Variants in C1QTNF2 observed in about 807,000 individuals in gnomAD.
C1QTNF2 encodes the protein C1q and TNF related 2.
In C1QTNF2, 15 loss-of-function variants were observed where a neutral mutation model predicts 17.4. The observed-to-expected ratio is 0.86, with a 90% CI of 0.58 to 1.33. The LOEUF (loss-of-function observed/expected upper bound fraction) is 1.33, where lower values mean the gene tolerates loss of function less well. Among genes scored for constraint, C1QTNF2 ranks in the 40% most tolerant of loss-of-function variants. The probability of loss-of-function intolerance (pLI) is 0.00; values close to 1 mark genes in which losing one functional copy is unlikely to be tolerated. For synonymous variants in C1QTNF2, 154 were observed against 163.3 expected (o/e 0.94, Z 0.44); for missense variants, 381 against 392.3 (o/e 0.97, Z 0.24).
At chr5:160,354,627 T>TAGATAGATAGATAG (rs1404261090) in intron 2 of C1QTNF2, 141 bp downstream of exon 2, 30 of 208,800 alleles carry the variant, frequency 1.4e-4, no homozygotes, top group African/African-American at 8.5e-4. Flanking sequence ...TATATATATA[T>TAGATAGATAGATAG]ATATATAGAT....
chr5:160,355,184 T>G (rs1764025545), intron 1 of C1QTNF2, 164 bp from the exon 2 acceptor site: 16 of 980,502 alleles, frequency 1.6e-5, no homozygotes, highest in Non-Finnish European at 1.8e-5. Flanking sequence ...GTGGACAGAG[T>G]CGTCATATCT....
chr5:160,350,015 G>T (rs916432860), intron 2 of C1QTNF2, among the ~76,000 whole-genome samples: 1 of 152,202 alleles, frequency 6.6e-6, no homozygotes, highest in Non-Finnish European at 1.5e-5. Context: ...AGAATAACTT[G>T]TAACAGTTCA....
In C1QTNF2 at chr5:160,354,876, C is replaced by T. The variant is rs756818049; in HGVS notation, c.136G>A (p.Gly46Ser). 1.2e-5 allele frequency: 19 copies of T among 1,607,158 alleles called. No individual in the cohort carries two copies. The highest frequency in any genetic ancestry group is 4.0e-5 in the African/African-American group (3 of 74,818). ...CSLPGPQGPPGPPGAPGPSGM... is the reference protein window; with the variant it reads ...CSLPGPQGPPSPPGAPGPSGM... ...GAGGGCCCTGGGGCTCCTGGGGGGC[C>T]GGGTGGGCCCTGGGGGCCAGGCAGG... Residue 46 changes from glycine (G) to serine (S), a missense_variant, in exon 2 of 3, where the codon GGC (glycine) becomes AGC (serine). Gly to Ser is a moderately conservative substitution (Grantham distance 56). Coordinates refer to ENST00000652664, the MANE Select transcript of C1QTNF2 (RefSeq NM_031908.6).
chr5:160,369,983 T>G (rs1332645177), intron 1 of C1QTNF2, among the ~76,000 whole-genome samples: 1 of 152,228 alleles, frequency 6.6e-6, no homozygotes, highest in Admixed American at 6.5e-5. Context: ...ATCATATATT[T>G]AAATAAATGT....
intron 1 of C1QTNF2, among the ~76,000 whole-genome samples, chr5:160,360,754 A>G (rs934144727): frequency 6.6e-6 from 1 of 151,640 alleles, no homozygotes; most frequent in African/African-American, 2.4e-5. Context: ...AGTTGGTTAA[A>G]CCCCAGAAAT....
chr5:160,354,593 A>ATATATATAT (rs1763992409), intron 2 of C1QTNF2, among the ~76,000 whole-genome samples, 175 bp downstream of exon 2: 3 of 30,558 alleles, frequency 9.8e-5, no homozygotes, highest in East Asian at 5.2e-4. Context: ...GGAAAAAAAA[A>ATATATATAT]AAAAGTATAT....
chr5:160,357,207 C>T (rs1328636014), intron 1 of C1QTNF2, among the ~76,000 whole-genome samples: 4 of 152,196 alleles, frequency 2.6e-5, no homozygotes, highest in African/African-American at 9.7e-5. Context: ...CGTTTCACAC[C>T]TTCACTGGGG....
chr5:160,360,790 T>A (rs866859671), intron 1 of C1QTNF2, among the ~76,000 whole-genome samples: 1 of 150,974 alleles, frequency 6.6e-6, no homozygotes, highest in Middle Eastern at 3.4e-3. Context: ...TAAACTTGGA[T>A]GAGTTCTTTT....
chr5:160,355,257 T>C, intron 1 of C1QTNF2: 1 of 984,964 alleles, frequency 1.0e-6, no homozygotes. Flanking sequence ...GTCTCGGGGG[T>C]GAGGCATTCA....
chr5:160,349,580 T>G lies in C1QTNF2; in HGVS notation c.446A>C (p.Lys149Thr), dbSNP rs1321657556. Reference sequence around the variant, plus strand: ...GGTCACTGCCACCGAGAAAGCTGACTTGGTATGGCCACTGCCACAGCTGCA... The same window carrying G: ...GGTCACTGCCACCGAGAAAGCTGACGTGGTATGGCCACTGCCACAGCTGCA... Reference protein sequence around the residue: ...GPCSCGSGHTKSAFSVAVTKS... With the variant: ...GPCSCGSGHTTSAFSVAVTKS... Residue 149 changes from lysine (K) to threonine (T), a missense_variant, in exon 3 of 3, where the codon AAG becomes ACG. Coordinates refer to ENST00000652664, the MANE Select transcript of C1QTNF2 (RefSeq NM_031908.6). The surrounding 1 kb of genome is among the most constrained non-coding windows in gnomAD (Gnocchi z 4.3). 6 of 1,613,504 alleles carry G rather than the reference T, an allele frequency of 3.7e-6. No individual in the cohort carries two copies. The East Asian group carries it at 1.1e-4, about 30-fold the overall frequency.
Position 160,364,116 on chromosome 5 carries a change from A to G in C1QTNF2, c.-10+6396T>C, listed in dbSNP as rs1325774418. 2.0e-5 allele frequency among the ~76,000 whole-genome samples: 3 copies of G among 152,240 alleles called. No homozygotes were observed. In the East Asian group the frequency reaches 5.8e-4, roughly 29 times the overall value. On this transcript the variant is annotated intron_variant, in intron 1 of 2. Transcript: ENST00000652664. ...AATATCATCATTTCAACATGTAATCACCATAAAAATTATTAATGAGACATT... is the reference window on the plus strand; with the variant it reads ...AATATCATCATTTCAACATGTAATCGCCATAAAAATTATTAATGAGACATT...
At chr5:160,369,023 T>G (rs546396050) in intron 1 of C1QTNF2, among the ~76,000 whole-genome samples, 92 of 151,080 alleles carry the variant, frequency 6.1e-4, no homozygotes, top group African/African-American at 2.1e-3. Flanking sequence ...AAAAGCAAGT[T>G]GTACCATGGA....
chr5:160,367,795 T>C (rs1172481412), intron 1 of C1QTNF2, among the ~76,000 whole-genome samples: 2 of 152,184 alleles, frequency 1.3e-5, no homozygotes, highest in African/African-American at 4.8e-5. Flanking sequence ...ATGCATCCCA[T>C]TCCTATATAC....
At chr5:160,351,549 T>G (rs1581032184) in intron 2 of C1QTNF2, among the ~76,000 whole-genome samples, 1 of 152,224 alleles carries the variant, frequency 6.6e-6, no homozygotes, top group South Asian at 2.1e-4. Context: ...ACTGAACACT[T>G]GATTTTCAGG....
At chr5:160,368,262 G>A (rs985061960) in intron 1 of C1QTNF2, among the ~76,000 whole-genome samples, 1 of 152,148 alleles carries the variant, frequency 6.6e-6, no homozygotes, top group African/African-American at 2.4e-5. Context: ...GGCTGGGCGC[G>A]GTGGCTCATG....
chr5:160,367,205 T>C (rs545499910), intron 1 of C1QTNF2, among the ~76,000 whole-genome samples: 44 of 152,308 alleles, frequency 2.9e-4, no homozygotes, highest in African/African-American at 1.0e-3. Flanking sequence ...TTTGGGTTTT[T>C]AATTTGAAAT....
At chr5:160,368,566 A>C (rs1403652955) in intron 1 of C1QTNF2, among the ~76,000 whole-genome samples, 1 of 152,138 alleles carries the variant, frequency 6.6e-6, no homozygotes, top group African/African-American at 2.4e-5. Flanking sequence ...AGAGAAGCTA[A>C]AATGGAATAT....
intron 1 of C1QTNF2, among the ~76,000 whole-genome samples, chr5:160,368,898 T>A (rs1581042910): frequency 6.6e-6 from 1 of 152,160 alleles, no homozygotes; most frequent in Non-Finnish European, 1.5e-5. Flanking sequence ...GACTCCAGCC[T>A]TGTGAAAAAT....
Position 160,348,184 on chromosome 5 carries a change from T to A in C1QTNF2, c.*984A>T, listed in dbSNP as rs1763837923. ...CCATCTCAGAGCAGCGGTTCTCAGA[T>A]GCACGTGCATATCCTGGTGTATCTC... On this transcript the variant is annotated 3_prime_UTR_variant, in exon 3 of 3. Transcript: ENST00000652664. 1 of 152,204 alleles carries A rather than the reference T, an allele frequency of 6.6e-6. No individual in the cohort carries two copies. The highest frequency in any genetic ancestry group is 1.5e-5 in the Non-Finnish European group (1 of 68,034). 9.4% of individuals were successfully genotyped at this position (152,204 alleles called of 1,614,324 possible). A position where few individuals can be genotyped will look rare whatever the true frequency, so the allele number is the denominator to read the frequency against.
Sources: gnomAD v4.1 joint callset for allele counts (sites outside exome capture counted in the v4.1 genomes callset) on GRCh38, gnomAD v4.1.1 for gene constraint, Gnocchi (gnomAD v3.1) non-coding constraint, MANE v1.5 for transcripts, NCBI Gene and HGNC (gene_info 2026-07-23, HGNC 2026-07-21) for gene names.